The following PKD1L1 variants were observed in gnomAD, a reference collection of about 807,000 sequenced individuals.
PKD1L1 encodes polycystin-1-like protein 1.
A neutral mutation model predicts 323.4 loss-of-function variants in PKD1L1; 236 were observed. The ratio of observed to expected loss-of-function variants is 0.73; its 90% CI spans 0.66 to 0.81. The LOEUF (loss-of-function observed/expected upper bound fraction) is 0.81. Ranked by LOEUF, PKD1L1 falls within the 40% of genes least tolerant of loss-of-function variation. The pLI is 0.00. For missense variants in PKD1L1, 3,320 were observed against 3,508.0 expected (o/e 0.95, Z 1.35); for synonymous variants, 1,344 against 1,335.0 (o/e 1.01, Z -0.15).
At chr7:47,815,527 C>T in intron 46 of PKD1L1, 70 bp from the exon 47 acceptor site, 3 of 1,536,734 alleles carry the variant, frequency 2.0e-6, no homozygotes, top group Non-Finnish European at 2.7e-6. Flanking sequence ...AGAACAAAAG[C>T]ATGTTTTCTT....
At position 47,853,156 on chromosome 7, in the gene PKD1L1, T is replaced by A. The variant is rs765651566; in HGVS notation, c.4931A>T (p.Gln1644Leu). 13 of 1,613,434 alleles carry A rather than the reference T, an allele frequency of 8.1e-6. No individual in the cohort carries two copies. Among genetic ancestry groups the A allele is most frequent in the African/African-American group, 1.3e-5 (1 of 74,900 alleles). Reference sequence around the variant, plus strand: ...CTGAGAAGCAGCAGGTATATAAATCTGCACAATTGACTCATCCCAGAAGTA... The same window carrying A: ...CTGAGAAGCAGCAGGTATATAAATCAGCACAATTGACTCATCCCAGAAGTA... ...QIYFWDESIV[Q>L]IYIPAASQKD... Residue 1644 changes from glutamine to leucine, a missense_variant, in exon 31 of 57, where the codon CAG becomes CTG. Transcript: ENST00000289672.
chr7:47,863,828 G>C (rs7790593), intron 26 of PKD1L1, among the ~76,000 whole-genome samples: 64,050 of 151,710 alleles, frequency 0.42, 14,663 homozygotes, highest in African/African-American at 0.6. Flanking sequence ...TTTGAGGCAG[G>C]CTGAGCCACA....
chr7:47,955,186 T>G, the PKD1L1 span, among the ~76,000 whole-genome samples: 76,762 of 152,036 alleles, frequency 0.5, 19,765 homozygotes, highest in East Asian at 0.63. Flanking sequence ...TGCCACCTTA[T>G]TGATCGAGAC....
At chr7:47,891,016 A>G (rs972024073) in intron 15 of PKD1L1, among the ~76,000 whole-genome samples, 1 of 152,110 alleles carries the variant, frequency 6.6e-6, no homozygotes, top group African/African-American at 2.4e-5. Context: ...CCTTGTTTCC[A>G]GCCCCACCAG....
chr7:47,924,124 T>C (rs1562992424), intron 7 of PKD1L1, among the ~76,000 whole-genome samples: 1 of 152,058 alleles, frequency 6.6e-6, no homozygotes, highest in Non-Finnish European at 1.5e-5. Context: ...CAACAAAGAA[T>C]GTAATAATCA....
intron 56 of PKD1L1, among the ~76,000 whole-genome samples, chr7:47,782,327 T>C (rs1323918727): frequency 2.6e-5 from 4 of 151,104 alleles, no homozygotes; most frequent in Non-Finnish European, 5.9e-5. Flanking sequence ...AGGATGTTGG[T>C]CAAAAAAAAA....
intron 40 of PKD1L1, among the ~76,000 whole-genome samples, 175 bp from the exon 41 acceptor site, chr7:47,833,427 G>C (rs537793070): frequency 1.3e-5 from 2 of 152,198 alleles, no homozygotes; most frequent in African/African-American, 4.8e-5. Flanking sequence ...CCTGGGAGCC[G>C]GCTCCTTTGT....
chr7:47,807,470 G>A (rs893795921), intron 52 of PKD1L1, among the ~76,000 whole-genome samples: 1 of 152,116 alleles, frequency 6.6e-6, no homozygotes, highest in Non-Finnish European at 1.5e-5. Flanking sequence ...GTTGCTATAG[G>A]ACTCACCCAG....
At chr7:47,851,468 AAGAC>A (rs1179224840) in intron 31 of PKD1L1, among the ~76,000 whole-genome samples, 22 of 152,174 alleles carry the variant, frequency 1.4e-4, no homozygotes, top group African/African-American at 5.1e-4. Context: ...GAGCAAGAGT[AAGAC>A]AGAGAGAGAC....
intron 55 of PKD1L1, among the ~76,000 whole-genome samples, chr7:47,794,981 A>G (rs1331112913): frequency 6.6e-6 from 1 of 152,172 alleles, no homozygotes; most frequent in African/African-American, 2.4e-5. Flanking sequence ...TCTAGGAAGT[A>G]ACTAACTTAT....
intron 8 of PKD1L1, among the ~76,000 whole-genome samples, chr7:47,910,791 G>A (rs1395344010): frequency 2.0e-5 from 3 of 149,052 alleles, no homozygotes; most frequent in Non-Finnish European, 4.4e-5. Flanking sequence ...CAAGTAGCTC[G>A]GATTACAGGT....
At chr7:47,873,187 G>A (rs1000957823) in intron 24 of PKD1L1, among the ~76,000 whole-genome samples, 1 of 152,156 alleles carries the variant, frequency 6.6e-6, no homozygotes, top group Non-Finnish European at 1.5e-5. Flanking sequence ...GGTAAAGGGA[G>A]TGACTGCTAA....
Position 47,827,752 on chromosome 7 carries a change from A to G in PKD1L1, c.6736-284T>C, listed in dbSNP as rs7786516. Among the ~76,000 whole-genome samples, 114,471 of 152,098 alleles carry G rather than the reference A, an allele frequency of 0.75. 43,265 individuals carry two copies. The highest frequency in any genetic ancestry group is 0.92 in the East Asian group (4,740 of 5,174). On this transcript the variant is annotated intron_variant, in intron 44 of 56. Transcript: ENST00000289672. ...CAAAGAGCTGCTGTACACGAGGGGT[A>G]TGTCTACTACTGTCAAATTACAGCA... is the stretch of plus-strand genomic sequence containing the variant.
chr7:47,796,487 CTGAGCTGTGGG>C (rs1784535615), intron 54 of PKD1L1, among the ~76,000 whole-genome samples: 1 of 152,164 alleles, frequency 6.6e-6, no homozygotes. Flanking sequence ...GTGAACCATT[CTGAGCTGTGGG>C]TGAGCCTCAG....
At chr7:47,924,135 C>T (rs1274247406) in intron 7 of PKD1L1, among the ~76,000 whole-genome samples, 1 of 152,144 alleles carries the variant, frequency 6.6e-6, no homozygotes, top group African/African-American at 2.4e-5. Context: ...GTAATAATCA[C>T]AGGCCTGCTG....
intron 45 of PKD1L1, among the ~76,000 whole-genome samples, chr7:47,826,444 C>T (rs550250790): frequency 3.3e-5 from 5 of 152,124 alleles, no homozygotes; most frequent in African/African-American, 7.2e-5. Flanking sequence ...CTAACACAAC[C>T]GCAGCTCTTC....
At chr7:47,908,942 T>A (rs1192674404) in intron 8 of PKD1L1, among the ~76,000 whole-genome samples, 2 of 152,188 alleles carry the variant, frequency 1.3e-5, no homozygotes, top group African/African-American at 2.4e-5. Context: ...GAGATACACA[T>A]GACTGAGTCT....
chr7:47,837,092 A>G lies in PKD1L1; in HGVS notation c.5772T>C (p.Leu1924=), dbSNP rs1223458746. ...CLQGGLGFRK[L]FYCKFTEYLE... is the part of the protein sequence containing the mutation. The stretch of plus-strand genomic sequence containing the variant: ...GGTACTCTGTGAACTTGCAATAGAA[A>G]AGCTGAAACGGAAAGCAGGAGAAGT... Residue 1924 remains leucine (L), a splice_region_variant and synonymous_variant, in exon 37 of 57, where the codon CTT becomes CTC. Transcript: ENST00000289672. 3 of 1,613,934 alleles carry G rather than the reference A, an allele frequency of 1.9e-6. No individual in the cohort carries two copies. The highest frequency in any genetic ancestry group is 2.5e-6 in the Non-Finnish European group (3 of 1,179,850).
rs1474850411 is a variant in PKD1L1 at position 47,879,588 on chromosome 7, G to A, written c.3520+1140C>T. Among the ~76,000 whole-genome samples, 17 of 144,714 alleles carry A rather than the reference G, an allele frequency of 1.2e-4. No homozygotes were observed. In the South Asian group the frequency reaches 2.9e-3, roughly 24 times the overall value. The allele number at this position is 144,714 out of a possible 152,430, so 94.9% of individuals were successfully genotyped here. On this transcript the variant is annotated intron_variant, in intron 21 of 56. Coordinates refer to ENST00000289672, the MANE Select transcript of PKD1L1 (RefSeq NM_138295.5). ...GTGGAGGTTGCAGTGAGCTGAGACC[G>A]TGCCTCTGCACTCCAGCCTGGGCAA...
Sources: gnomAD v4.1 joint callset for allele counts (sites outside exome capture counted in the v4.1 genomes callset) on GRCh38, gnomAD v4.1.1 for gene constraint, MANE v1.5 for transcripts, NCBI Gene and HGNC (gene_info 2026-07-23, HGNC 2026-07-21) for gene names.